NDFIP2: variants seen among roughly 807,000 people sequenced by gnomAD.
NDFIP2 encodes the protein Nedd4 family interacting protein 2.
Under a neutral mutation model 36.0 loss-of-function variants are expected in NDFIP2, and 19 were observed. The observed-to-expected ratio is 0.53, with a 90% CI of 0.37 to 0.77. The LOEUF (loss-of-function observed/expected upper bound fraction) is 0.77, where lower values mean the gene tolerates loss of function less well. Ranked by LOEUF, NDFIP2 falls within the 30% of genes least tolerant of loss-of-function variation. NDFIP2 has a pLI of 0.00. For missense variants in NDFIP2, 446 were observed against 435.8 expected (o/e 1.02, Z -0.21); for synonymous variants, 181 against 167.7 (o/e 1.08, Z -0.61).
At chr13:79,497,380 A>G (rs541309561) in intron 1 of NDFIP2, among the ~76,000 whole-genome samples, 6 of 152,020 alleles carry the variant, frequency 3.9e-5, no homozygotes, top group African/African-American at 1.2e-4. Context: ...TTAGCATCCT[A>G]TGCCTCTGTT....
intron 1 of NDFIP2, among the ~76,000 whole-genome samples, chr13:79,500,000 G>A (rs766041550): frequency 4.0e-5 from 6 of 151,812 alleles, no homozygotes; most frequent in African/African-American, 1.2e-4. Flanking sequence ...AAGACAATGT[G>A]GTGTTTGTGA....
intron 3 of NDFIP2, among the ~76,000 whole-genome samples, chr13:79,538,154 C>T (rs1875315866): frequency 6.6e-6 from 1 of 152,152 alleles, no homozygotes; most frequent in Non-Finnish European, 1.5e-5. Flanking sequence ...TGATGTGAAA[C>T]CATTAGAAAC....
chr13:79,487,822 A>G (rs1037363775), intron 1 of NDFIP2, among the ~76,000 whole-genome samples: 1 of 152,064 alleles, frequency 6.6e-6, no homozygotes, highest in African/African-American at 2.4e-5. Context: ...GTACAGTGAC[A>G]TATCTCTGTC....
In NDFIP2 at chr13:79,507,274, T is replaced by TG. The variant is rs1566657852; in HGVS notation, c.322-13536_322-13535insG. Among the ~76,000 whole-genome samples the TG allele has an allele frequency of 6.8e-3, 125 of 18,456 alleles. 9 individuals carry two copies. The highest frequency in any genetic ancestry group is 0.029 in the African/African-American group (24 of 824). The allele number at this position is 18,456 out of a possible 152,430, so 12.1% of individuals were successfully genotyped here. On this transcript the variant is annotated intron_variant, in intron 1 of 7. Transcript: ENST00000218652. ...GTTTTTTGTTCTGATTGAGTTTTTT[T>TG]TTTTTTTTTTTTTTTTTGAGACGGA... is the stretch of plus-strand genomic sequence containing the variant.
intron 6 of NDFIP2, among the ~76,000 whole-genome samples, chr13:79,549,365 A>T (rs979359509): frequency 1.3e-5 from 2 of 151,966 alleles, no homozygotes; most frequent in East Asian, 3.8e-4. Context: ...GAAGGTTTAT[A>T]AAGTCTATTA....
chr13:79,496,594 A>G (rs916801542), intron 1 of NDFIP2, among the ~76,000 whole-genome samples: 1 of 151,892 alleles, frequency 6.6e-6, no homozygotes, highest in Non-Finnish European at 1.5e-5. Context: ...TACTAATGTG[A>G]GGAATTATGG....
At chr13:79,488,137 G>A (rs1268196122) in intron 1 of NDFIP2, among the ~76,000 whole-genome samples, 1 of 150,108 alleles carries the variant, frequency 6.7e-6, no homozygotes, top group Non-Finnish European at 1.5e-5. Context: ...ATCTTTGTAT[G>A]TTGAAAAAAC....
intron 7 of NDFIP2, among the ~76,000 whole-genome samples, chr13:79,551,416 T>C (rs927718432): frequency 6.6e-6 from 1 of 151,380 alleles, no homozygotes; most frequent in African/African-American, 2.4e-5. Context: ...CCATAGAATG[T>C]ATATGAAGTA....
intron 2 of NDFIP2, among the ~76,000 whole-genome samples, chr13:79,527,653 C>T (rs967890681): frequency 6.6e-5 from 10 of 152,074 alleles, no homozygotes; most frequent in Non-Finnish European, 1.3e-4. Flanking sequence ...CTAACACATA[C>T]AATTATGTAC....
chr13:79,507,781 T>C (rs1873927481), intron 1 of NDFIP2, among the ~76,000 whole-genome samples: 1 of 152,006 alleles, frequency 6.6e-6, no homozygotes, highest in South Asian at 2.1e-4. Flanking sequence ...ATATCCACCG[T>C]GGACATAATA....
chr13:79,546,094 T>G (rs1302619452), intron 5 of NDFIP2, among the ~76,000 whole-genome samples: 1 of 152,208 alleles, frequency 6.6e-6, no homozygotes, highest in Non-Finnish European at 1.5e-5. Context: ...TTTTCCTATT[T>G]CTGTACTGCC....
At chr13:79,482,169 CTTTTTTTTTTT>C (rs10558361) in intron 1 of NDFIP2, among the ~76,000 whole-genome samples, 6 of 75,888 alleles carry the variant, frequency 7.9e-5, no homozygotes, top group Non-Finnish European at 9.9e-5. Context: ...TTCTTTCTTT[CTTTTTTTTTTT>C]TTTTTTTTTT....
intron 2 of NDFIP2, among the ~76,000 whole-genome samples, chr13:79,530,601 A>G (rs778710499): frequency 1.3e-5 from 2 of 152,182 alleles, no homozygotes; most frequent in Non-Finnish European, 2.9e-5. Flanking sequence ...AGTTAAACTT[A>G]TGTAATCTAA....
At chr13:79,502,035 G>A (rs192678390) in intron 1 of NDFIP2, among the ~76,000 whole-genome samples, 20 of 152,138 alleles carry the variant, frequency 1.3e-4, no homozygotes, top group Non-Finnish European at 2.1e-4. Flanking sequence ...CCTATTTCCC[G>A]CACCCAGTAT....
At chr13:79,497,658 G>C (rs1873484071) in intron 1 of NDFIP2, among the ~76,000 whole-genome samples, 1 of 139,812 alleles carries the variant, frequency 7.2e-6, no homozygotes, top group South Asian at 2.2e-4. Flanking sequence ...GTAGATTTCT[G>C]AGTTTTTTTT....
rs190530202 is a variant in NDFIP2, at chr13:79,549,667, T to C, written c.907+1273T>C. Among the ~76,000 whole-genome samples, 3 of 152,062 alleles carry C rather than the reference T, an allele frequency of 2.0e-5. No homozygotes were observed. In the East Asian group the frequency reaches 5.8e-4, roughly 29 times the overall value. On this transcript the variant is annotated intron_variant, in intron 6 of 7. Transcript: ENST00000218652. ...TAGGTATGAACTGGGTGGCTTCTTT[T>C]AGAAAATGCCTGAGAAGTAAAATGT...
chr13:79,529,075 A>G lies in NDFIP2; in HGVS notation c.488-4248A>G, dbSNP rs538927895. ...GTCCTCTTGAATACTCTTCTATTTT[A>G]TCCCATAATAGCAAGTAACAGCCCT... is the stretch of plus-strand genomic sequence containing the variant. On this transcript the variant is annotated intron_variant, in intron 2 of 7. Coordinates refer to ENST00000218652, the MANE Select transcript of NDFIP2 (RefSeq NM_019080.3). Among the ~76,000 whole-genome samples, 51 of 152,264 alleles carry G rather than the reference A, an allele frequency of 3.3e-4. 1 individual carries two copies. Among genetic ancestry groups the G allele is most frequent in the African/African-American group, 1.1e-3 (47 of 41,544 alleles).
intron 4 of NDFIP2, among the ~76,000 whole-genome samples, chr13:79,541,569 G>A (rs1257651158): frequency 6.6e-6 from 1 of 150,502 alleles, no homozygotes; most frequent in African/African-American, 2.4e-5. Context: ...TTTTTTTCTG[G>A]CAGGCTATAG....
At chr13:79,502,022 G>A (rs1873686525) in intron 1 of NDFIP2, among the ~76,000 whole-genome samples, 1 of 152,114 alleles carries the variant, frequency 6.6e-6, no homozygotes, top group Admixed American at 6.6e-5. Context: ...GATGGGATTT[G>A]CACCTATTTC....
Sources: allele counts gnomAD v4.1 joint callset (sites outside exome capture counted in the v4.1 genomes callset), GRCh38; gene constraint gnomAD v4.1.1; transcripts MANE v1.5; gene names NCBI Gene and HGNC (gene_info 2026-07-23, HGNC 2026-07-21).